The following NXPH1 variants were observed in gnomAD, a reference collection of about 807,000 sequenced individuals.
The protein encoded by NXPH1 is neurexophilin-1.
In NXPH1, 5 loss-of-function variants were observed where a neutral mutation model predicts 23.7. The observed-to-expected ratio is 0.21, with a 90% CI of 0.11 to 0.44. NXPH1 has a LOEUF of 0.44. Ranked by LOEUF, NXPH1 falls within the 20% of genes least tolerant of loss-of-function variation. The pLI, the probability that NXPH1 is intolerant of heterozygous loss-of-function variation, is 0.99. For synonymous variants in NXPH1, 144 were observed against 122.2 expected, an observed-to-expected ratio of 1.18 and a Z score of -1.18; for missense variants, 324 against 321.6, an observed-to-expected ratio of 1.01 and a Z score of -0.06.
chr7:8,742,970 C>T (rs577779105), intron 2 of NXPH1, among the ~76,000 whole-genome samples: 3 of 150,672 alleles, frequency 2.0e-5, no homozygotes, highest in East Asian at 1.9e-4. Context: ...TGCGTGTGTG[C>T]GTGTGTGTGG....
intron 2 of NXPH1, among the ~76,000 whole-genome samples, chr7:8,494,722 T>G (rs1349346181): frequency 6.6e-6 from 1 of 152,088 alleles, no homozygotes; most frequent in Non-Finnish European, 1.5e-5. Context: ...ATCCTGAACT[T>G]AAGTCACTGC....
chr7:8,657,434 T>C (rs1412327209), intron 2 of NXPH1, among the ~76,000 whole-genome samples: 1 of 152,190 alleles, frequency 6.6e-6, no homozygotes, highest in Non-Finnish European at 1.5e-5. Context: ...GGACATTTCC[T>C]TTCACAACAA....
At chr7:8,451,955 C>G (rs1268474550) in intron 2 of NXPH1, among the ~76,000 whole-genome samples, 1 of 152,154 alleles carries the variant, frequency 6.6e-6, no homozygotes, top group East Asian at 1.9e-4. Context: ...TGGAACATAG[C>G]CCAAACTCTT....
intron 2 of NXPH1, among the ~76,000 whole-genome samples, chr7:8,647,557 T>C (rs1260810215): frequency 1.3e-5 from 2 of 152,086 alleles, no homozygotes; most frequent in African/African-American, 4.8e-5. Context: ...AGTGTGTTGG[T>C]TTGTAATTGT....
chr7:8,752,032 C>T lies in NXPH1; in HGVS notation c.*263C>T, dbSNP rs1295417819. ...TCTCACATATAGAGGTACACAAACA[C>T]ACCGTCATGCACATTTCAGCTTGCG... is the stretch of plus-strand genomic sequence containing the variant. On this transcript the variant is annotated 3_prime_UTR_variant, in exon 3 of 3. Coordinates refer to ENST00000405863, the MANE Select transcript of NXPH1 (RefSeq NM_152745.3). The T allele has an allele frequency of 5.5e-6, 2 of 365,960 alleles. No homozygotes were observed. The highest frequency in any genetic ancestry group is 8.3e-5 in the East Asian group (2 of 23,982). The allele number at this position is 365,960 out of a possible 1,614,324, so 22.7% of individuals were successfully genotyped here.
chr7:8,688,175 A>G (rs1312428262), intron 2 of NXPH1, among the ~76,000 whole-genome samples: 1 of 152,138 alleles, frequency 6.6e-6, no homozygotes, highest in Non-Finnish European at 1.5e-5. Context: ...TTCAAAATGC[A>G]CAGCTGACTG....
intron 2 of NXPH1, among the ~76,000 whole-genome samples, chr7:8,571,029 A>G (rs1218343942): frequency 2.3e-4 from 1 of 4,324 alleles, no homozygotes; most frequent in Non-Finnish European, 4.2e-4. Context: ...ATCTAATCTA[A>G]TCTAATCTAA....
In NXPH1 at chr7:8,714,917, G is replaced by A. The variant is rs368533049; in HGVS notation, c.55-36091G>A. ...CTGCCCTGCCTGGGGTTGGGGGATGGGTGGCACAAGCACTCCCTTAGCTTC... is the reference window on the plus strand; with the variant it reads ...CTGCCCTGCCTGGGGTTGGGGGATGAGTGGCACAAGCACTCCCTTAGCTTC... On this transcript the variant is annotated intron_variant, in intron 2 of 2. Coordinates refer to ENST00000405863, the MANE Select transcript of NXPH1 (RefSeq NM_152745.3). 2.0e-5 allele frequency among the ~76,000 whole-genome samples: 3 copies of A among 152,154 alleles called. No homozygotes were observed. In the South Asian group the frequency reaches 6.2e-4, roughly 32 times the overall value.
At chr7:8,612,786 A>C (rs1357334844) in intron 2 of NXPH1, among the ~76,000 whole-genome samples, 4 of 152,066 alleles carry the variant, frequency 2.6e-5, no homozygotes, top group Admixed American at 6.6e-5. Flanking sequence ...AAAGAGAGAC[A>C]CAGAGGTCAG....
chr7:8,607,050 T>C (rs996412935), intron 2 of NXPH1, among the ~76,000 whole-genome samples: 3 of 152,128 alleles, frequency 2.0e-5, no homozygotes, highest in Non-Finnish European at 2.9e-5. Context: ...GGGCTTTAAT[T>C]CTAGTTTTTC....
At chr7:8,609,766 C>G (rs1185666170) in intron 2 of NXPH1, among the ~76,000 whole-genome samples, 2 of 152,080 alleles carry the variant, frequency 1.3e-5, no homozygotes, top group Non-Finnish European at 2.9e-5. Context: ...GCTCTCAGAG[C>G]TATTTTTGTC....
At chr7:8,498,704 T>A (rs988039425) in intron 2 of NXPH1, among the ~76,000 whole-genome samples, 1 of 152,084 alleles carries the variant, frequency 6.6e-6, no homozygotes, top group Non-Finnish European at 1.5e-5. Context: ...TTCAGCATGC[T>A]AGCAGTCAAT....
chr7:8,597,118 C>G (rs906607291), intron 2 of NXPH1, among the ~76,000 whole-genome samples: 1 of 151,964 alleles, frequency 6.6e-6, no homozygotes, highest in African/African-American at 2.4e-5. Context: ...AGATTTGCTA[C>G]TACAACATGA....
intron 2 of NXPH1, among the ~76,000 whole-genome samples, chr7:8,708,836 T>C (rs1779743270): frequency 6.6e-6 from 1 of 152,220 alleles, no homozygotes; most frequent in African/African-American, 2.4e-5. Flanking sequence ...ATCTTGCTAC[T>C]CAACATGTGT....
intron 2 of NXPH1, among the ~76,000 whole-genome samples, chr7:8,723,233 T>C (rs1176882427): frequency 2.0e-5 from 3 of 152,226 alleles, no homozygotes; most frequent in African/African-American, 7.2e-5. Context: ...TCAATACAAA[T>C]GTCCACTTGA....
chr7:8,450,711 A>C (rs1032499649), intron 2 of NXPH1, among the ~76,000 whole-genome samples: 1 of 152,250 alleles, frequency 6.6e-6, no homozygotes, highest in Admixed American at 6.5e-5. Flanking sequence ...CAGCAGTATC[A>C]TCTTTCACCT....
At chr7:8,617,825 A>C (rs74689739) in intron 2 of NXPH1, among the ~76,000 whole-genome samples, 3,557 of 152,186 alleles carry the variant, frequency 0.023, 220 homozygotes, top group East Asian at 0.17. Context: ...TTAAAGGATA[A>C]ATGCTTGAGG....
At chr7:8,452,080 G>T (rs1028151903) in intron 2 of NXPH1, among the ~76,000 whole-genome samples, 1 of 152,168 alleles carries the variant, frequency 6.6e-6, no homozygotes, top group Non-Finnish European at 1.5e-5. Context: ...CCCGCGGTTT[G>T]CATCAGCCTG....
intron 2 of NXPH1, among the ~76,000 whole-genome samples, chr7:8,447,780 G>A (rs1186635106): frequency 6.6e-6 from 1 of 152,228 alleles, no homozygotes; most frequent in Non-Finnish European, 1.5e-5. Flanking sequence ...AGATGCATTT[G>A]CACAGATTGA....
Sources: gnomAD v4.1 joint callset for allele counts (sites outside exome capture counted in the v4.1 genomes callset) on GRCh38, gnomAD v4.1.1 for gene constraint, MANE v1.5 for transcripts, NCBI Gene and HGNC (gene_info 2026-07-23, HGNC 2026-07-21) for gene names.